The following NOL9 variants were observed in gnomAD, a reference collection of about 807,000 sequenced individuals.
NOL9 encodes polynucleotide 5'-hydroxyl-kinase NOL9.
NOL9 carries 28 observed loss-of-function variants against 67.9 expected under a neutral mutation model. The observed-to-expected ratio is 0.41, with a 90% CI of 0.31 to 0.57. The LOEUF (loss-of-function observed/expected upper bound fraction) is 0.57, where lower values mean the gene tolerates loss of function less well. Among genes scored for constraint, NOL9 ranks in the 20% least tolerant of loss-of-function variants. The pLI is 0.25. For missense variants in NOL9, 777 were observed against 897.0 expected, an observed-to-expected ratio of 0.87 and a Z score of 1.71; for synonymous variants, 356 against 352.2, an observed-to-expected ratio of 1.01 and a Z score of -0.12.
chr1:6,538,395 G>A (rs1343367693), intron 6 of NOL9, among the ~76,000 whole-genome samples: 5 of 152,170 alleles, frequency 3.3e-5, no homozygotes, highest in East Asian at 3.8e-4. Context: ...GGCTGGGACC[G>A]GATGCCGTGG....
Position 6,525,719 on chromosome 1 carries a change from A to T in NOL9, c.*135T>A. ...AACTTAAGACTACTATATGACATTCACGAATTACACAAAAAACACTGTTGC... is the reference window on the plus strand; with the variant it reads ...AACTTAAGACTACTATATGACATTCTCGAATTACACAAAAAACACTGTTGC... On this transcript the variant is annotated 3_prime_UTR_variant, in exon 12 of 12. Transcript: ENST00000377705. 2.2e-6 allele frequency: 2 copies of T among 896,438 alleles called. No individual in the cohort carries two copies. Among genetic ancestry groups the T allele is most frequent in the Non-Finnish European group, 3.5e-6 (2 of 569,126 alleles). 55.5% of individuals were successfully genotyped at this position (896,438 alleles called of 1,614,324 possible).
chr1:6,536,442 G>A (rs1339575439), intron 6 of NOL9, among the ~76,000 whole-genome samples: 1 of 152,206 alleles, frequency 6.6e-6, no homozygotes, highest in Non-Finnish European at 1.5e-5. Context: ...TGAGGTAGGA[G>A]GATCCCTTCA....
intron 7 of NOL9, 129 bp from the exon 8 acceptor site, chr1:6,532,889 T>C (rs1639064877): frequency 2.3e-5 from 21 of 931,286 alleles, no homozygotes; most frequent in Non-Finnish European, 3.0e-5. Flanking sequence ...ACGTTGGACT[T>C]CGGCTGGGCA....
rs1184452192 is a variant in NOL9, at chr1:6,533,267, C to T, written c.1237+13G>A. 11 of 1,574,962 alleles carry T rather than the reference C, an allele frequency of 7.0e-6. No homozygotes were observed. The highest frequency in any genetic ancestry group is 8.6e-6 in the Non-Finnish European group (10 of 1,157,202). ...CCTGTCCTTCCCTTGCAGATGTGCA[C>T]ATGCAGGCTTACCTGAAACCCATCC... On this transcript the variant is annotated intron_variant, in intron 7 of 11. Transcript: ENST00000377705.
At position 6,549,589 on chromosome 1, in the gene NOL9, G is replaced by A. The variant is rs759253452; in HGVS notation, c.726C>T (p.Ser242=). ...GTTCTACCTCTTGCACAAAAATGTA[G>A]GATGAACCCGGATAGCTGGTTATGA... ...VNFITSYPGS[S]YIFVQESPTP... is the part of the protein sequence containing the mutation. The change falls in exon 3 of 12, where the codon TCC becomes TCT. Residue 242 remains serine, a synonymous_variant. Transcript: ENST00000377705. 2 of 1,614,060 alleles carry A rather than the reference G, an allele frequency of 1.2e-6. No homozygotes were observed. The highest frequency in any genetic ancestry group is 2.2e-5 in the South Asian group (2 of 91,080).
intron 1 of NOL9, among the ~76,000 whole-genome samples, chr1:6,552,969 G>A (rs187733042): frequency 1.0e-3 from 157 of 152,180 alleles, no homozygotes; most frequent in African/African-American, 3.4e-3. Context: ...GTGCTACCAT[G>A]CCCAGCTAAT....
chr1:6,544,741 C>T, intron 5 of NOL9, 85 bp downstream of exon 5: 1 of 1,398,832 alleles, frequency 7.1e-7, no homozygotes, highest in Non-Finnish European at 1.0e-6. Flanking sequence ...AGCTAGAAGC[C>T]AAGAAGCATT....
chr1:6,539,065 T>C (rs891508306), intron 6 of NOL9, among the ~76,000 whole-genome samples: 1 of 152,224 alleles, frequency 6.6e-6, no homozygotes, highest in African/African-American at 2.4e-5. Context: ...AATAAGTACA[T>C]GCTCAACATC....
At chr1:6,527,256 A>C (rs1351606974) in intron 10 of NOL9, among the ~76,000 whole-genome samples, 1 of 51,424 alleles carries the variant, frequency 1.9e-5, no homozygotes, top group East Asian at 5.8e-4. Context: ...AAAAAAAAAA[A>C]AAAATACAAA....
intron 6 of NOL9, among the ~76,000 whole-genome samples, chr1:6,534,076 G>A (rs1167566804): frequency 1.3e-5 from 2 of 151,736 alleles, no homozygotes; most frequent in African/African-American, 4.8e-5. Context: ...TAGTAGAGAC[G>A]GGGTTTCTCC....
chr1:6,554,001 G>A (rs1557797401), intron 1 of NOL9, 106 bp downstream of exon 1: 3 of 924,034 alleles, frequency 3.2e-6, no homozygotes. Context: ...GGCAGCCAGA[G>A]AACAGGCCCG....
At chr1:6,543,320 C>A (rs1056948283) in intron 5 of NOL9, among the ~76,000 whole-genome samples, 7 of 152,070 alleles carry the variant, frequency 4.6e-5, no homozygotes, top group Non-Finnish European at 8.8e-5. Flanking sequence ...CTCAGCCTCC[C>A]GAATAGCTGG....
intron 9 of NOL9, among the ~76,000 whole-genome samples, 181 bp from the exon 10 acceptor site, chr1:6,529,352 A>G (rs1389034371): frequency 2.6e-5 from 4 of 152,204 alleles, no homozygotes; most frequent in Non-Finnish European, 5.9e-5. Flanking sequence ...GCACTTTGGG[A>G]GGCCGACGCG....
intron 9 of NOL9, among the ~76,000 whole-genome samples, chr1:6,529,496 A>C (rs1638971580): frequency 6.6e-6 from 1 of 152,064 alleles, no homozygotes; most frequent in African/African-American, 2.4e-5. Context: ...GCTAAGGCAG[A>C]AGAATCGCTT....
chr1:6,552,325 C>T (rs1385612144), intron 1 of NOL9, among the ~76,000 whole-genome samples: 1 of 145,124 alleles, frequency 6.9e-6, no homozygotes, highest in Non-Finnish European at 1.5e-5. Context: ...CACACCCGGC[C>T]GATATTTGAT....
rs1409191427 is a variant in NOL9, at chr1:6,554,513, C to T, written c.-11G>A. ...TCCCGAGTCCGCCATGCTGGGTCCT[C>T]AGGGCCTACCGCGCGAGAATCTCGC... On this transcript the variant is annotated 5_prime_UTR_variant, in exon 1 of 12. Coordinates refer to ENST00000377705, the MANE Select transcript of NOL9 (RefSeq NM_024654.5). 1.3e-6 allele frequency: 2 copies of T among 1,513,458 alleles called. No homozygotes were observed. Among genetic ancestry groups the T allele is most frequent in the Admixed American group, 2.3e-5 (1 of 43,822 alleles). The allele number at this position is 1,513,458 out of a possible 1,614,324, so 93.8% of individuals were successfully genotyped here. A position where few individuals can be genotyped will look rare whatever the true frequency, so the allele number is the denominator to read the frequency against.
intron 10 of NOL9, 79 bp from the exon 11 acceptor site, chr1:6,526,908 GT>G: frequency 6.8e-7 from 1 of 1,475,094 alleles, no homozygotes; most frequent in Non-Finnish European, 9.1e-7. Context: ...CTGCAGAATG[GT>G]TTTGAACATA....
intron 3 of NOL9, among the ~76,000 whole-genome samples, chr1:6,547,588 C>T (rs575845312): frequency 7.2e-5 from 11 of 152,006 alleles, no homozygotes; most frequent in African/African-American, 2.4e-4. Context: ...AGGCCAGACA[C>T]GGTGGCTCAC....
intron 1 of NOL9, among the ~76,000 whole-genome samples, chr1:6,551,372 C>G (rs1320926922): frequency 6.6e-6 from 1 of 151,820 alleles, no homozygotes; most frequent in Admixed American, 6.6e-5. Flanking sequence ...TTGAGTGAGG[C>G]CAGGAGTTTG....
Sources: allele counts gnomAD v4.1 joint callset (sites outside exome capture counted in the v4.1 genomes callset), GRCh38; gene constraint gnomAD v4.1.1; transcripts MANE v1.5; gene names NCBI Gene and HGNC (gene_info 2026-07-23, HGNC 2026-07-21).